Variants in IKZF1 observed in about 807,000 individuals in gnomAD.
The protein encoded by IKZF1 is IKAROS family zinc finger 1, also known as DNA-binding protein Ikaros.
Under a neutral mutation model 51.7 loss-of-function variants are expected in IKZF1, and 10 were observed. That is an observed-to-expected ratio of 0.19 (90% confidence interval 0.12 to 0.33). The LOEUF is 0.33. Among genes scored for constraint, IKZF1 ranks in the 10% least tolerant of loss-of-function variants. The probability of loss-of-function intolerance (pLI) is 1.00; values close to 1 mark genes in which losing one functional copy is unlikely to be tolerated. For missense variants in IKZF1, 484 were observed against 707.5 expected (o/e 0.68, Z 3.58); for synonymous variants, 280 against 282.3 (o/e 0.99, Z 0.08).
At chr7:50,360,717 C>T (rs1173139734) in intron 3 of IKZF1, among the ~76,000 whole-genome samples, 1 of 152,256 alleles carries the variant, frequency 6.6e-6, no homozygotes, top group East Asian at 1.9e-4. Context: ...GCTGCAGACA[C>T]TCTGACGACT....
intron 3 of IKZF1, among the ~76,000 whole-genome samples, chr7:50,348,690 T>TA (rs905481100): frequency 1.3e-5 from 2 of 152,170 alleles, no homozygotes; most frequent in African/African-American, 2.4e-5. Flanking sequence ...ATGGACATAG[T>TA]AAAAAATAAA....
intron 7 of IKZF1, among the ~76,000 whole-genome samples, chr7:50,396,334 T>G (rs1190597188): frequency 1.3e-5 from 2 of 152,168 alleles, no homozygotes; most frequent in African/African-American, 2.4e-5. Flanking sequence ...TCCTGTTCTA[T>G]TACTTGCTAT....
intron 3 of IKZF1, among the ~76,000 whole-genome samples, chr7:50,330,961 C>T (rs949308475): frequency 1.3e-5 from 2 of 152,116 alleles, no homozygotes; most frequent in Admixed American, 6.5e-5. Flanking sequence ...TGGCCTGGAG[C>T]TTCTGGCAAG....
At chr7:50,339,065 C>T (rs1798439509) in intron 3 of IKZF1, among the ~76,000 whole-genome samples, 1 of 152,290 alleles carries the variant, frequency 6.6e-6, no homozygotes, top group South Asian at 2.1e-4. Flanking sequence ...GGAGTATTTA[C>T]ACCACAGAAA....
At chr7:50,381,804 C>A (rs1399459738) in intron 4 of IKZF1, among the ~76,000 whole-genome samples, 2 of 152,190 alleles carry the variant, frequency 1.3e-5, no homozygotes, top group Non-Finnish European at 2.9e-5. Flanking sequence ...ACTTGTATGT[C>A]CTGCCATAGG....
intron 4 of IKZF1, among the ~76,000 whole-genome samples, chr7:50,381,619 T>C (rs1811870845): frequency 2.0e-5 from 3 of 152,328 alleles, no homozygotes; most frequent in Middle Eastern, 3.4e-3. Context: ...GTTTTCTTAG[T>C]CACAAATGCA....
chr7:50,404,051 T>C lies in IKZF1; in HGVS notation c.*3424T>C, dbSNP rs1180988122. ...CCAAAATTATTAGACTTATTTAAGATGTACAGGCATCAGAAAAAAGAAGCA... is the reference window on the plus strand; with the variant it reads ...CCAAAATTATTAGACTTATTTAAGACGTACAGGCATCAGAAAAAAGAAGCA... On this transcript the variant is annotated 3_prime_UTR_variant, in exon 8 of 8. Coordinates refer to ENST00000331340, the MANE Select transcript of IKZF1 (RefSeq NM_006060.6). 4.6e-6 allele frequency: 1 copy of C among 215,686 alleles called. No homozygotes were observed. Among genetic ancestry groups the C allele is most frequent in the Non-Finnish European group, 9.4e-6 (1 of 106,694 alleles). 13.4% of individuals were successfully genotyped at this position (215,686 alleles called of 1,614,324 possible). A position where few individuals can be genotyped will look rare whatever the true frequency, so the allele number is the denominator to read the frequency against.
intron 1 of IKZF1, among the ~76,000 whole-genome samples, chr7:50,317,359 A>G (rs1385827633): frequency 6.6e-6 from 1 of 152,258 alleles, no homozygotes; most frequent in East Asian, 1.9e-4. Flanking sequence ...CACGGCTGTT[A>G]CAAAGATTTT....
At chr7:50,337,837 ATTGCAGGATAT>A (rs1193544416) in intron 3 of IKZF1, among the ~76,000 whole-genome samples, 3 of 152,150 alleles carry the variant, frequency 2.0e-5, no homozygotes, top group Non-Finnish European at 4.4e-5. Flanking sequence ...TGTCCCTCCC[ATTGCAGGATAT>A]TTAGCCACCC....
At position 50,319,031 on chromosome 7, in the gene IKZF1, C is replaced by G. The variant is rs1378239143; in HGVS notation, c.-14-17C>G. On this transcript the variant is annotated splice_polypyrimidine_tract_variant and intron_variant, in intron 1 of 7. Transcript: ENST00000331340. ...GTATTTTTGCTTTAAACTAAAATCC[C>G]TTCCTCTCTTTCTCAGATAACCTGA... is the stretch of plus-strand genomic sequence containing the variant. 6.3e-7 allele frequency: 1 copy of G among 1,587,216 alleles called. No individual in the cohort carries two copies. The highest frequency in any genetic ancestry group is 1.7e-5 in the Admixed American group (1 of 59,528).
At chr7:50,364,190 C>G (rs1806114949) in intron 3 of IKZF1, among the ~76,000 whole-genome samples, 1 of 152,180 alleles carries the variant, frequency 6.6e-6, no homozygotes, top group African/African-American at 2.4e-5. Flanking sequence ...TTTAGCCTCT[C>G]CCCAGAGTGA....
chr7:50,372,103 A>T (rs530509570), intron 3 of IKZF1, among the ~76,000 whole-genome samples: 6 of 152,332 alleles, frequency 3.9e-5, no homozygotes, highest in African/African-American at 1.4e-4. Flanking sequence ...TCAAGCCCTG[A>T]TTTCTGTCAT....
intron 3 of IKZF1, among the ~76,000 whole-genome samples, chr7:50,350,927 T>C (rs7800411): frequency 0.29 from 44,029 of 152,148 alleles, 6,513 homozygotes; most frequent in Middle Eastern, 0.34. Context: ...GCCAAGTGTG[T>C]TTCTGTTTTC....
intron 2 of IKZF1, among the ~76,000 whole-genome samples, chr7:50,323,209 T>A (rs1387849873): frequency 6.6e-6 from 1 of 152,202 alleles, no homozygotes; most frequent in Non-Finnish European, 1.5e-5. Context: ...AGTTATCATT[T>A]CCAACCTGCA....
intron 1 of IKZF1, among the ~76,000 whole-genome samples, chr7:50,310,571 T>C (rs571991152): frequency 2.0e-5 from 3 of 152,158 alleles, no homozygotes; most frequent in Admixed American, 6.5e-5. Flanking sequence ...CAAAATGGGG[T>C]CTAAACTATC....
intron 3 of IKZF1, among the ~76,000 whole-genome samples, chr7:50,336,012 A>T (rs1797688890): frequency 6.6e-6 from 1 of 152,098 alleles, no homozygotes; most frequent in Non-Finnish European, 1.5e-5. Flanking sequence ...GAGCAGCTGC[A>T]CTGATATCAT....
chr7:50,309,536 G>A (rs564381514), intron 1 of IKZF1, among the ~76,000 whole-genome samples: 4 of 152,254 alleles, frequency 2.6e-5, no homozygotes, highest in African/African-American at 9.6e-5. Flanking sequence ...ACTGTGTAAA[G>A]TGTTTTTGAA....
intron 1 of IKZF1, among the ~76,000 whole-genome samples, chr7:50,311,728 T>G (rs1790220154): frequency 1.3e-5 from 2 of 152,220 alleles, no homozygotes; most frequent in Admixed American, 1.3e-4. Flanking sequence ...AAGTTTGAGT[T>G]TCAAAATGTC....
chr7:50,387,264 A>G, intron 5 of IKZF1, 81 bp from the exon 6 acceptor site: 1 of 1,452,984 alleles, frequency 6.9e-7, no homozygotes. Context: ...CTTTTTTGGT[A>G]ATAATTGTAT....
Sources: allele counts gnomAD v4.1 joint callset (sites outside exome capture counted in the v4.1 genomes callset), GRCh38; gene constraint gnomAD v4.1.1; transcripts MANE v1.5; gene names NCBI Gene and HGNC (gene_info 2026-07-23, HGNC 2026-07-21).